WDFY4: variants seen among roughly 807,000 people sequenced by gnomAD.
WDFY4 encodes the protein WDFY family member 4.
In WDFY4, 169 loss-of-function variants were observed where a neutral mutation model predicts 351.9. The observed-to-expected ratio is 0.48, with a 90% CI of 0.42 to 0.55. WDFY4 has a LOEUF of 0.55. Ranked by LOEUF, WDFY4 falls within the 20% of genes least tolerant of loss-of-function variation. The pLI, the probability that WDFY4 is intolerant of heterozygous loss-of-function variation, is 0.00. For missense variants in WDFY4, 3,803 were observed against 3,935.6 expected (o/e 0.97, Z 0.90); for synonymous variants, 1,622 against 1,574.6 (o/e 1.03, Z -0.71).
chr10:48,934,052 G>A (rs771654647), intron 47 of WDFY4, among the ~76,000 whole-genome samples: 3 of 152,102 alleles, frequency 2.0e-5, no homozygotes, highest in Non-Finnish European at 4.4e-5. Context: ...TGGAGGCTGA[G>A]GCTCAAACCC....
intron 47 of WDFY4, among the ~76,000 whole-genome samples, chr10:48,939,284 T>A (rs1365690919): frequency 6.6e-6 from 1 of 152,220 alleles, no homozygotes; most frequent in Non-Finnish European, 1.5e-5. Context: ...GGACCACGCC[T>A]GTTGAGTAGC....
Position 48,787,889 on chromosome 10 carries a change from TTCTCCTTCTTCTTCTTC to T in WDFY4, c.3809-639_3809-623del, listed in dbSNP as rs2066492594. 7.6e-5 allele frequency among the ~76,000 whole-genome samples: 6 copies of T among 79,048 alleles called. No individual in the cohort carries two copies. The East Asian group carries it at 1.7e-3, about 22-fold the overall frequency. 51.9% of individuals were successfully genotyped at this position (79,048 alleles called of 152,430 possible). A position where few individuals can be genotyped will look rare whatever the true frequency, so the allele number is the denominator to read the frequency against. ...CTTCTTTCTTCTTTCTTTCTTCTTC[TTCTCCTTCTTCTTCTTC>T]TTCTTCTTCTTCTTCTTCTTCTTCT... On this transcript the variant is annotated intron_variant, in intron 20 of 61. Coordinates refer to ENST00000325239, the MANE Select transcript of WDFY4 (RefSeq NM_001394531.1).
intron 39 of WDFY4, among the ~76,000 whole-genome samples, chr10:48,844,604 A>AAAAGC (rs1276840712): frequency 6.6e-6 from 1 of 152,088 alleles, no homozygotes; most frequent in East Asian, 1.9e-4. Flanking sequence ...AACAAAAAAG[A>AAAAGC]AAAGCACCGA....
At chr10:48,803,631 T>C (rs907624880) in intron 25 of WDFY4, among the ~76,000 whole-genome samples, 1 of 152,124 alleles carries the variant, frequency 6.6e-6, no homozygotes, top group South Asian at 2.1e-4. Flanking sequence ...AAAGGTCCAC[T>C]CTCCCTCTAA....
intron 12 of WDFY4, among the ~76,000 whole-genome samples, chr10:48,747,467 T>G (rs912947224): frequency 6.6e-6 from 1 of 152,184 alleles, no homozygotes; most frequent in Non-Finnish European, 1.5e-5. Flanking sequence ...TTTTTGGAAC[T>G]AACACAATTA....
intron 13 of WDFY4, among the ~76,000 whole-genome samples, chr10:48,766,132 T>C (rs1221249180): frequency 6.7e-6 from 1 of 149,100 alleles, no homozygotes; most frequent in Non-Finnish European, 1.5e-5. Context: ...GTAGGACTCT[T>C]GCTTTGTTAA....
At chr10:48,956,972 G>A (rs930598258) in intron 51 of WDFY4, among the ~76,000 whole-genome samples, 157 bp from the exon 52 acceptor site, 5 of 152,196 alleles carry the variant, frequency 3.3e-5, no homozygotes, top group South Asian at 2.1e-4. Flanking sequence ...GGAGAACCAC[G>A]GCACACACAT....
intron 31 of WDFY4, among the ~76,000 whole-genome samples, chr10:48,815,540 C>T (rs951070119): frequency 6.6e-6 from 1 of 152,048 alleles, no homozygotes; most frequent in Non-Finnish European, 1.5e-5. Context: ...CTCACTCTAG[C>T]CTCTGCTTCT....
At chr10:48,867,412 G>A in intron 40 of WDFY4, 70 bp downstream of exon 40, 1 of 1,118,170 alleles carries the variant, frequency 8.9e-7, no homozygotes, top group African/African-American at 1.6e-5. Flanking sequence ...AAAATAATTG[G>A]AAGGGCCTTT....
chr10:48,774,496 C>T lies in WDFY4; in HGVS notation c.2592C>T (p.Ile864=), dbSNP rs943074596. 6.4e-7 allele frequency: 1 copy of T among 1,551,756 alleles called. No individual in the cohort carries two copies. Among genetic ancestry groups the T allele is most frequent in the Non-Finnish European group, 8.7e-7 (1 of 1,147,004 alleles). The change falls in exon 14 of 62, where the codon ATC becomes ATT. Residue 864 remains isoleucine (I), a synonymous_variant. Transcript: ENST00000325239. The stretch of plus-strand genomic sequence containing the variant: ...TCCAGTGCTCCCTGGCCAGTCATAT[C>T]CAGTCCCTGGTGAAGTCGGAGAAGA... The part of the protein sequence containing the change: ...EEIQCSLASH[I]QSLVKSEKNR...
intron 1 of WDFY4, among the ~76,000 whole-genome samples, chr10:48,690,081 G>A (rs2063155050): frequency 1.3e-5 from 2 of 152,348 alleles, no homozygotes; most frequent in Non-Finnish European, 2.9e-5. Context: ...TATGACAGTG[G>A]TTCTTCCCTT....
At chr10:48,883,239 G>T (rs1157701334) in intron 43 of WDFY4, among the ~76,000 whole-genome samples, 1 of 152,204 alleles carries the variant, frequency 6.6e-6, no homozygotes, top group Non-Finnish European at 1.5e-5. Context: ...TCCTGCATGT[G>T]CCTGGAGGGC....
intron 58 of WDFY4, among the ~76,000 whole-genome samples, chr10:48,975,812 G>A (rs115130772): frequency 6.6e-6 from 1 of 152,266 alleles, no homozygotes. Context: ...ATAGATAAAT[G>A]AATGGATGGA....
Position 48,876,895 on chromosome 10 carries a change from C to T in WDFY4, c.7001-138C>T, listed in dbSNP as rs7075968. ...TCCATTTCCAGAAGCAGTGGAGGGG[C>T]ACAGTGAGAGATCCACGCTCTTCAC... is the stretch of plus-strand genomic sequence containing the variant. On this transcript the variant is annotated intron_variant, in intron 42 of 61. Transcript: ENST00000325239. 1,064 of 823,162 alleles carry T rather than the reference C, an allele frequency of 1.3e-3. 16 individuals are homozygous for T. The African/African-American group carries it at 0.018, about 14-fold the overall frequency. 51.0% of individuals were successfully genotyped at this position (823,162 alleles called of 1,614,324 possible).
chr10:48,721,366 C>T lies in WDFY4; in HGVS notation c.455C>T (p.Ser152Leu), dbSNP rs375297520. 52 of 1,551,454 alleles carry T rather than the reference C, an allele frequency of 3.4e-5. No homozygotes were observed. The highest frequency in any genetic ancestry group is 1.1e-4 in the African/African-American group (8 of 73,016). ...KSVYVLTGTD[S>L]ETLGRVAESG... ...GTGTACGTGCTCACGGGGACAGACT[C>T]GGTAAGTTTCAGACCATCAGCCTCT... Residue 152 changes from serine (S) to leucine (L), a missense_variant and splice_region_variant, in exon 4 of 62, where the codon TCG (serine) becomes TTG (leucine). By Grantham distance (145) the Ser-to-Leu change is moderately radical. Transcript: ENST00000325239.
At chr10:48,686,844 G>A (rs944116830) in intron 1 of WDFY4, among the ~76,000 whole-genome samples, 1 of 151,880 alleles carries the variant, frequency 6.6e-6, no homozygotes, top group Non-Finnish European at 1.5e-5. Flanking sequence ...CATGCATCTT[G>A]GGGCATGTGT....
intron 51 of WDFY4, among the ~76,000 whole-genome samples, chr10:48,949,817 A>G (rs1589976805): frequency 6.6e-6 from 1 of 152,310 alleles, no homozygotes; most frequent in Admixed American, 6.5e-5. Context: ...CTCATGTCCC[A>G]GCATCCCCAG....
intron 1 of WDFY4, among the ~76,000 whole-genome samples, chr10:48,703,287 A>T (rs944756654): frequency 6.6e-6 from 1 of 152,188 alleles, no homozygotes; most frequent in Admixed American, 6.5e-5. Flanking sequence ...TGGCTTTTGC[A>T]TGGAGAGGAA....
intron 13 of WDFY4, among the ~76,000 whole-genome samples, chr10:48,769,352 A>G (rs2065784927): frequency 6.6e-6 from 1 of 152,232 alleles, no homozygotes; most frequent in African/African-American, 2.4e-5. Context: ...ACATAATTCT[A>G]AGTAGGCAGT....
Sources: allele counts gnomAD v4.1 joint callset (sites outside exome capture counted in the v4.1 genomes callset), GRCh38; gene constraint gnomAD v4.1.1; transcripts MANE v1.5; gene names NCBI Gene and HGNC (gene_info 2026-07-23, HGNC 2026-07-21).